The following ANK2 variants were observed in gnomAD, a reference collection of about 807,000 sequenced individuals.
ANK2 encodes the protein ankyrin-2.
ANK2 carries 83 observed loss-of-function variants against 360.5 expected under a neutral mutation model. The ratio of observed to expected loss-of-function variants is 0.23; its 90% CI spans 0.19 to 0.28. The LOEUF is 0.28. Ranked by LOEUF, ANK2 falls within the 10% of genes least tolerant of loss-of-function variation. The pLI, the probability that ANK2 is intolerant of heterozygous loss-of-function variation, is 1.00. For missense variants in ANK2, 4,201 were observed against 4,795.7 expected, an observed-to-expected ratio of 0.88 and a Z score of 3.66; for synonymous variants, 1,740 against 1,759.5, an observed-to-expected ratio of 0.99 and a Z score of 0.28.
intron 2 of ANK2, among the ~76,000 whole-genome samples, chr4:113,040,033 A>C (rs572116264): frequency 1.3e-5 from 2 of 152,174 alleles, no homozygotes; most frequent in East Asian, 3.9e-4. Context: ...TGCCCCTGAA[A>C]AAATATGTCT....
chr4:113,213,842 T>C (rs61091551), intron 4 of ANK2, among the ~76,000 whole-genome samples: 6,135 of 152,154 alleles, frequency 0.04, 143 homozygotes, highest in East Asian at 0.066. Flanking sequence ...AGAAAAGGAT[T>C]CCTGTTTGCG....
intron 1 of ANK2, among the ~76,000 whole-genome samples, chr4:113,129,963 A>G (rs763348715): frequency 2.0e-5 from 3 of 152,180 alleles, no homozygotes; most frequent in South Asian, 2.1e-4. Context: ...TTGTGAAATT[A>G]TAACTTTATT....
chr4:112,842,831 C>A, intron 1 of ANK2, among the ~76,000 whole-genome samples: 1 of 152,198 alleles, frequency 6.6e-6, no homozygotes, highest in South Asian at 2.1e-4. Context: ...CTATTTAAGA[C>A]AAAAGACATT....
chr4:113,340,219 A>C (rs1055924176), intron 32 of ANK2, among the ~76,000 whole-genome samples: 2 of 152,216 alleles, frequency 1.3e-5, no homozygotes, highest in Non-Finnish European at 2.9e-5. Flanking sequence ...GAATGAGAGA[A>C]GGGTGTTCGA....
At chr4:113,107,630 G>A (rs979011748) in intron 1 of ANK2, among the ~76,000 whole-genome samples, 1 of 152,184 alleles carries the variant, frequency 6.6e-6, no homozygotes, top group African/African-American at 2.4e-5. Context: ...CTGGGGATGA[G>A]TCTATCTATT....
chr4:113,089,164 A>G (rs573327166), intron 1 of ANK2, among the ~76,000 whole-genome samples: 5 of 152,284 alleles, frequency 3.3e-5, no homozygotes, highest in African/African-American at 1.2e-4. Flanking sequence ...AGAAAGTCAC[A>G]AGGCCAGCCC....
At chr4:113,071,950 A>AGG (rs1054609146) in intron 1 of ANK2, 2 of 152,282 alleles carry the variant, frequency 1.3e-5, no homozygotes, top group Non-Finnish European at 2.9e-5. Context: ...GCCCTGTGAA[A>AGG]GGGGGATGCC....
chr4:112,826,589 G>T (rs2058451894), intron 1 of ANK2: 1 of 1,429,526 alleles, frequency 7.0e-7, no homozygotes, highest in Non-Finnish European at 9.5e-7. Context: ...GGATTCCACA[G>T]GCAGTTAAAG....
chr4:113,173,573 CTT>C (rs2098077864), intron 1 of ANK2, among the ~76,000 whole-genome samples: 1 of 152,152 alleles, frequency 6.6e-6, no homozygotes, highest in Non-Finnish European at 1.5e-5. Context: ...AAAAGTCAGA[CTT>C]TATAACCAAG....
At chr4:112,808,787 G>T in the ANK2 span, among the ~76,000 whole-genome samples, 2 of 152,180 alleles carry the variant, frequency 1.3e-5, no homozygotes, top group African/African-American at 4.8e-5. Flanking sequence ...AGTTATTTCA[G>T]AGATAGACTC....
Position 113,289,934 on chromosome 4 carries a change from T to G in ANK2, c.2277+1448T>G, listed in dbSNP as rs572849438. On this transcript the variant is annotated intron_variant, in intron 20 of 45. Transcript: ENST00000357077. ...TATAAGCACTCCAGGAAAGACATTT[T>G]GGTTGGAATCCAAGTATTCTCTTGA... 3.1e-4 allele frequency among the ~76,000 whole-genome samples: 47 copies of G among 152,280 alleles called. No homozygotes were observed. In the East Asian group the frequency reaches 8.7e-3, roughly 28 times the overall value.
chr4:113,012,336 C>T (rs896488353), intron 2 of ANK2, among the ~76,000 whole-genome samples: 14 of 152,134 alleles, frequency 9.2e-5, no homozygotes, highest in African/African-American at 3.1e-4. Flanking sequence ...ATGCATCTGA[C>T]CTTCCCGATT....
At chr4:113,111,688 C>T (rs2094315615) in intron 1 of ANK2, among the ~76,000 whole-genome samples, 1 of 151,996 alleles carries the variant, frequency 6.6e-6, no homozygotes, top group Admixed American at 6.6e-5. Context: ...TATCCAAAAT[C>T]AGTATATTTT....
At chr4:112,837,253 C>T (rs931798856) in intron 1 of ANK2, among the ~76,000 whole-genome samples, 1 of 152,224 alleles carries the variant, frequency 6.6e-6, no homozygotes, top group African/African-American at 2.4e-5. Flanking sequence ...ACCTTGGCAA[C>T]GTCCATGTGG....
At chr4:113,230,647 G>C (rs1310779444) in intron 4 of ANK2, among the ~76,000 whole-genome samples, 7 of 152,172 alleles carry the variant, frequency 4.6e-5, no homozygotes, top group Non-Finnish European at 1.5e-5. Context: ...ACATGGTTTT[G>C]AGACCTTATG....
At chr4:113,125,496 A>G (rs2154374302) in intron 1 of ANK2, among the ~76,000 whole-genome samples, 1 of 152,312 alleles carries the variant, frequency 6.6e-6, no homozygotes, top group East Asian at 1.9e-4. Context: ...CAAAATTACC[A>G]GATACTTCTA....
intron 20 of ANK2, among the ~76,000 whole-genome samples, chr4:113,291,549 C>T (rs1411001082): frequency 1.3e-5 from 2 of 152,184 alleles, no homozygotes; most frequent in Non-Finnish European, 2.9e-5. Flanking sequence ...GTAGCACCCA[C>T]ATCTATAGTA....
In ANK2 at chr4:113,049,657, GCATACCCGCTAGTGGTCTGTA is replaced by G; in HGVS notation, c.-69_-49del. Reference sequence around the variant, plus strand: ...CTCCTCCTGCTTTCCTCCAGTAAGTGCATACCCGCTAGTGGTCTGTACAGGCGGCACGGTTTGATGGCAGAG... The same window carrying G: ...CTCCTCCTGCTTTCCTCCAGTAAGTGCAGGCGGCACGGTTTGATGGCAGAG... On this transcript the variant is annotated 5_prime_UTR_variant, in exon 1 of 46. Transcript: ENST00000357077. 6.5e-7 allele frequency: 1 copy of G among 1,533,070 alleles called. No individual in the cohort carries two copies. The highest frequency in any genetic ancestry group is 8.8e-7 in the Non-Finnish European group (1 of 1,132,442). 95.0% of individuals were successfully genotyped at this position (1,533,070 alleles called of 1,614,324 possible). A position where few individuals can be genotyped will look rare whatever the true frequency, so the allele number is the denominator to read the frequency against.
intron 24 of ANK2, among the ~76,000 whole-genome samples, chr4:113,314,620 A>G (rs1002500546): frequency 6.6e-6 from 1 of 152,236 alleles, no homozygotes; most frequent in African/African-American, 2.4e-5. Context: ...TTAATGTCTT[A>G]AATCAGAGTG....
Sources: gnomAD v4.1 joint callset for allele counts (sites outside exome capture counted in the v4.1 genomes callset) on GRCh38, gnomAD v4.1.1 for gene constraint, MANE v1.5 for transcripts, NCBI Gene and HGNC (gene_info 2026-07-23, HGNC 2026-07-21) for gene names.